The following OLR1 variants were observed in gnomAD, a reference collection of about 807,000 sequenced individuals.
OLR1 encodes oxidized low-density lipoprotein receptor 1.
A neutral mutation model predicts 31.7 loss-of-function variants in OLR1; 23 were observed. The observed-to-expected ratio is 0.72, with a 90% confidence interval of 0.52 to 1.03. OLR1 has a LOEUF of 1.03. Among genes scored for constraint, OLR1 ranks in the 50% least tolerant of loss-of-function variants. The probability of loss-of-function intolerance (pLI) is 0.00; values close to 1 mark genes in which losing one functional copy is unlikely to be tolerated. For synonymous variants in OLR1, 117 were observed against 115.8 expected (o/e 1.01, Z -0.07); for missense variants, 286 against 315.7 (o/e 0.91, Z 0.71).
rs1371991555 is a variant in OLR1 at position 10,159,008 on chromosome 12, G to GT, written c.*871dup. The GT allele has an allele frequency of 6.6e-6, 1 of 152,128 alleles. No individual in the cohort carries two copies. Among genetic ancestry groups the GT allele is most frequent in the Non-Finnish European group, 1.5e-5 (1 of 68,024 alleles). The allele number at this position is 152,128 out of a possible 1,614,324, so 9.4% of individuals were successfully genotyped here. A position where few individuals can be genotyped will look rare whatever the true frequency, so the allele number is the denominator to read the frequency against. ...TGTCTTCATTTTTTTTGTCTTGTAT[G>GT]TTTCGGAATTATAGCATAGCAAAAC... On this transcript the variant is annotated 3_prime_UTR_variant, in exon 6 of 6. Coordinates refer to ENST00000309539, the MANE Select transcript of OLR1 (RefSeq NM_002543.4).
chr12:10,159,047 G>A lies in OLR1; in HGVS notation c.*833C>T, dbSNP rs921813417. On this transcript the variant is annotated 3_prime_UTR_variant, in exon 6 of 6. Transcript: ENST00000309539. ...GCATAGCAAAACAGAGTTGAGAAGAGTTCATCTACAAAAGGTATGTTCTTT... is the reference window on the plus strand; with the variant it reads ...GCATAGCAAAACAGAGTTGAGAAGAATTCATCTACAAAAGGTATGTTCTTT... 6.6e-6 allele frequency: 1 copy of A among 152,084 alleles called. No individual in the cohort carries two copies. The highest frequency in any genetic ancestry group is 1.5e-5 in the Non-Finnish European group (1 of 68,010). The allele number at this position is 152,084 out of a possible 1,614,324, so 9.4% of individuals were successfully genotyped here.
intron 5 of OLR1, 145 bp from the exon 6 acceptor site, chr12:10,160,166 G>T: frequency 1.0e-6 from 1 of 1,000,032 alleles, no homozygotes. Flanking sequence ...GAAAATGTCT[G>T]AATGGTTAAT....
At chr12:10,162,863 G>A (rs1431753480) in intron 3 of OLR1, among the ~76,000 whole-genome samples, 1 of 152,054 alleles carries the variant, frequency 6.6e-6, no homozygotes, top group Non-Finnish European at 1.5e-5. Flanking sequence ...GTTTTTTGTG[G>A]ACTAAAAAGA....
upstream of OLR1, chr12:10,172,275 G>A (rs1591985397): frequency 5.9e-6 from 3 of 512,142 alleles, no homozygotes; most frequent in East Asian, 9.1e-5. Context: ...TATGTGTATT[G>A]CAGGTGGAGA....
rs1948614191 is a variant in OLR1 at position 10,160,842 on chromosome 12, C to T, written c.508G>A (p.Glu170Lys). 1 of 1,614,062 alleles carries T rather than the reference C, an allele frequency of 6.2e-7. No individual in the cohort carries two copies. Among genetic ancestry groups the T allele is most frequent in the Non-Finnish European group, 8.5e-7 (1 of 1,180,032 alleles). Residue 170 changes from glutamate to lysine, a missense_variant, in exon 4 of 6, where the codon GAG (glutamate) becomes AAG (lysine). Glu to Lys is a moderately conservative substitution (Grantham distance 56). Coordinates refer to ENST00000309539, the MANE Select transcript of OLR1 (RefSeq NM_002543.4). The part of the protein sequence containing the change: ...SGSFNWEKSQ[E>K]KCLSLDAKLL... ...TTGGCATCCAAAGACAAGCACTTCT[C>T]TTGGCTCTTTTCCCAGTTAAATGAG...
Position 10,158,932 on chromosome 12 carries a change from GT to G in OLR1, c.*947del, listed in dbSNP as rs2137498611. On this transcript the variant is annotated 3_prime_UTR_variant, in exon 6 of 6. Transcript: ENST00000309539. ...AGAAGATATATTTCTAATTCCATCT[GT>G]TTCTATTCAGCGATATTTGCATACC... is the stretch of plus-strand genomic sequence containing the variant. 1.3e-5 allele frequency: 2 copies of G among 152,250 alleles called. No individual in the cohort carries two copies. Among genetic ancestry groups the G allele is most frequent in the African/African-American group, 4.8e-5 (2 of 41,540 alleles). 9.4% of individuals were successfully genotyped at this position (152,250 alleles called of 1,614,324 possible). A position where few individuals can be genotyped will look rare whatever the true frequency, so the allele number is the denominator to read the frequency against.
rs139317142 is a variant in OLR1, at chr12:10,169,340, A to C, written c.77-165T>G. Among the ~76,000 whole-genome samples the C allele has an allele frequency of 3.2e-4, 49 of 152,356 alleles. No homozygotes were observed. The East Asian group carries it at 8.3e-3, about 26-fold the overall frequency. On this transcript the variant is annotated intron_variant, in intron 1 of 5. Coordinates refer to ENST00000309539, the MANE Select transcript of OLR1 (RefSeq NM_002543.4). ...CACTAGTCCTCCAAATGGCTCTGCA[A>C]ATAATTCATCATACACATTTAGGAA...
chr12:10,171,836 T>C (rs1384918914), intron 1 of OLR1, among the ~76,000 whole-genome samples, 166 bp downstream of exon 1: 1 of 152,204 alleles, frequency 6.6e-6, no homozygotes, highest in African/African-American at 2.4e-5. Flanking sequence ...TAAGTTGTCA[T>C]CATCATCATC....
upstream of OLR1, chr12:10,175,476 CA>C (rs1440738350): frequency 2.6e-5 from 4 of 152,216 alleles, no homozygotes; most frequent in Non-Finnish European, 2.9e-5. Context: ...TTCTGACTCA[CA>C]GATACTTTGA....
chr12:10,172,958 G>A (rs1276958197), upstream of OLR1, among the ~76,000 whole-genome samples: 31 of 152,114 alleles, frequency 2.0e-4, no homozygotes, highest in East Asian at 1.9e-4. Context: ...AAAATGTCAC[G>A]TTGCTATAGG....
intron 2 of OLR1, chr12:10,167,346 G>T (rs558056560): frequency 1.8e-3 from 312 of 176,570 alleles, no homozygotes; most frequent in South Asian, 0.012. Context: ...GAGGGTGGTG[G>T]CACGCGCCTG....
Position 10,164,788 on chromosome 12 carries a change from A to T in OLR1, c.424+1924T>A, listed in dbSNP as rs34568194. ...AGCTTCTGTAACAATATCAGAGTTC[A>T]CATCATAGTCTTCTTATAGATGCTA... On this transcript the variant is annotated intron_variant, in intron 3 of 5. Transcript: ENST00000309539. Among the ~76,000 whole-genome samples the T allele has an allele frequency of 4.4e-3, 672 of 152,350 alleles. 1 individual carries two copies. The highest frequency in any genetic ancestry group is 0.01 in the Middle Eastern group (3 of 294).
At position 10,158,483 on chromosome 12, in the gene OLR1, T is replaced by C. The variant is rs1046661827; in HGVS notation, c.*1397A>G. ...AGACATATGAATCTCAAAATAATTA[T>C]GCAAAGTGAAAGAAGCCAGACAAAA... is the stretch of plus-strand genomic sequence containing the variant. On this transcript the variant is annotated 3_prime_UTR_variant, in exon 6 of 6. Coordinates refer to ENST00000309539, the MANE Select transcript of OLR1 (RefSeq NM_002543.4). The C allele has an allele frequency of 1.3e-5, 2 of 151,888 alleles. No homozygotes were observed. The highest frequency in any genetic ancestry group is 2.4e-5 in the African/African-American group (1 of 41,314). 9.4% of individuals were successfully genotyped at this position (151,888 alleles called of 1,614,324 possible). A position where few individuals can be genotyped will look rare whatever the true frequency, so the allele number is the denominator to read the frequency against.
At chr12:10,168,742 C>T (rs1948683385) in intron 2 of OLR1, among the ~76,000 whole-genome samples, 1 of 152,200 alleles carries the variant, frequency 6.6e-6, no homozygotes, top group African/African-American at 2.4e-5. Context: ...GGTCCACCCA[C>T]CTTGGCCTCC....
upstream of OLR1, among the ~76,000 whole-genome samples, chr12:10,174,364 C>T (rs1318884075): frequency 6.6e-6 from 1 of 152,166 alleles, no homozygotes; most frequent in Non-Finnish European, 1.5e-5. Context: ...TGCTGGCCTT[C>T]TGTGTCTTCT....
At position 10,159,657 on chromosome 12, in the gene OLR1, G is replaced by T; in HGVS notation, c.*223C>A. The T allele has an allele frequency of 2.5e-6, 1 of 396,452 alleles. No individual in the cohort carries two copies. 24.6% of individuals were successfully genotyped at this position (396,452 alleles called of 1,614,324 possible). ...GGAAAATGGACTTCAGGCTGGCAGG[G>T]AAGCTTGGGACAAGCTAGGTGAAAT... On this transcript the variant is annotated 3_prime_UTR_variant, in exon 6 of 6. Transcript: ENST00000309539.
intron 3 of OLR1, among the ~76,000 whole-genome samples, chr12:10,163,321 A>T (rs2137507783): frequency 6.6e-6 from 1 of 152,248 alleles, no homozygotes; most frequent in South Asian, 2.1e-4. Flanking sequence ...CTCTCGAGAC[A>T]TTTTGATACA....
rs1049112315 is a variant in OLR1, at chr12:10,160,898, T to C, written c.452A>G (p.His151Arg). ...SAPCPQDWIW[H>R]GENCYLFSSG... The stretch of plus-strand genomic sequence containing the variant: ...GGAAAATAGGTAACAGTTTTCTCCA[T>C]GCCAGATCCAGTCTTGCGGACAAGG... The change falls in exon 4 of 6, where the codon CAT becomes CGT. Residue 151 changes from histidine (H) to arginine (R), a missense_variant. By Grantham distance (29) the His-to-Arg change is conservative (BLOSUM62 0). Coordinates refer to ENST00000309539, the MANE Select transcript of OLR1 (RefSeq NM_002543.4). 3.1e-6 allele frequency: 5 copies of C among 1,614,046 alleles called. No individual in the cohort carries two copies. The highest frequency in any genetic ancestry group is 4.2e-6 in the Non-Finnish European group (5 of 1,180,000).
chr12:10,161,367 TAAAG>T (rs1348591611), intron 3 of OLR1, among the ~76,000 whole-genome samples: 1 of 152,170 alleles, frequency 6.6e-6, no homozygotes, highest in Non-Finnish European at 1.5e-5. Flanking sequence ...GTGTTGGAAA[TAAAG>T]AAAGTGAGGG....
Sources: gnomAD v4.1 joint callset for allele counts (sites outside exome capture counted in the v4.1 genomes callset) on GRCh38, gnomAD v4.1.1 for gene constraint, MANE v1.5 for transcripts, NCBI Gene and HGNC (gene_info 2026-07-23, HGNC 2026-07-21) for gene names.